The following CFAP95 variants were observed in gnomAD, a reference collection of about 807,000 sequenced individuals.
CFAP95 encodes the protein cilia- and flagella-associated protein 95.
chr9:69,848,316 A>G, the CFAP95 span, among the ~76,000 whole-genome samples: 1 of 152,162 alleles, frequency 6.6e-6, no homozygotes, highest in African/African-American at 2.4e-5. Flanking sequence ...ACAGCATCTC[A>G]TAGTAGGTGC....
At chr9:69,828,863 T>C in the CFAP95 span, among the ~76,000 whole-genome samples, 3 of 152,340 alleles carry the variant, frequency 2.0e-5, no homozygotes, top group Admixed American at 2.0e-4. Context: ...TGTATTTTCA[T>C]AATAAGAATA....
chr9:69,844,298 G>C, the CFAP95 span, among the ~76,000 whole-genome samples: 1 of 152,278 alleles, frequency 6.6e-6, no homozygotes, highest in South Asian at 2.1e-4. Flanking sequence ...TTGTTTGGGT[G>C]ATATTATTAG....
chr9:69,846,667 G>A, the CFAP95 span, among the ~76,000 whole-genome samples: 1 of 152,190 alleles, frequency 6.6e-6, no homozygotes, highest in East Asian at 1.9e-4. Context: ...AAGAAAAGGA[G>A]GGGATACTGG....
the CFAP95 span, among the ~76,000 whole-genome samples, chr9:69,897,537 A>G: frequency 1.3e-5 from 2 of 152,214 alleles, no homozygotes; most frequent in African/African-American, 4.8e-5. Flanking sequence ...TAAAACTATC[A>G]GAAATGAAAG....
At chr9:69,890,562 G>T in the CFAP95 span, among the ~76,000 whole-genome samples, 1 of 152,182 alleles carries the variant, frequency 6.6e-6, no homozygotes, top group Non-Finnish European at 1.5e-5. Flanking sequence ...ATGTTGTCGT[G>T]CACATAAACA....
At chr9:69,870,883 A>C in the CFAP95 span, among the ~76,000 whole-genome samples, 4 of 152,160 alleles carry the variant, frequency 2.6e-5, no homozygotes, top group Admixed American at 6.5e-5. Flanking sequence ...CCAGATCAAC[A>C]GGAGAGAAGG....
the CFAP95 span, among the ~76,000 whole-genome samples, chr9:69,829,037 T>C: frequency 0.8 from 121,221 of 152,108 alleles, 48,800 homozygotes; most frequent in Middle Eastern, 0.87. Context: ...TTTTTAATTG[T>C]TAGTTTATGT....
the CFAP95 span, among the ~76,000 whole-genome samples, chr9:69,824,848 T>A: frequency 6.6e-6 from 1 of 152,224 alleles, no homozygotes; most frequent in East Asian, 1.9e-4. Context: ...AACCTTGTAT[T>A]TCTGTATTTG....
chr9:69,837,819 T>C, the CFAP95 span, among the ~76,000 whole-genome samples: 5 of 152,346 alleles, frequency 3.3e-5, no homozygotes, highest in South Asian at 1.0e-3. Context: ...GCCTATGTCC[T>C]GAATGGTAAT....
chr9:69,858,081 T>C, the CFAP95 span: 1 of 1,022,810 alleles, frequency 9.8e-7, no homozygotes, highest in South Asian at 1.3e-5. Context: ...GTCAACAAAA[T>C]GCCCTTTACA....
chr9:69,905,857 C>A, the CFAP95 span: 1 of 916,204 alleles, frequency 1.1e-6, no homozygotes, highest in Non-Finnish European at 1.5e-6. Flanking sequence ...AATTAACCTT[C>A]AATCATAAGA....
chr9:69,889,483 C>T, the CFAP95 span, among the ~76,000 whole-genome samples: 983 of 152,340 alleles, frequency 6.5e-3, 11 homozygotes, highest in African/African-American at 0.022. Flanking sequence ...GAGATCCTCT[C>T]CTAGGAACTG....
chr9:69,837,817 C>T, the CFAP95 span, among the ~76,000 whole-genome samples: 3 of 152,132 alleles, frequency 2.0e-5, no homozygotes, highest in African/African-American at 7.2e-5. Context: ...ATGCCTATGT[C>T]CTGAATGGTA....
chr9:69,873,895 T>C, the CFAP95 span, among the ~76,000 whole-genome samples: 1 of 152,376 alleles, frequency 6.6e-6, no homozygotes, highest in East Asian at 1.9e-4. Flanking sequence ...AGGGCAGCTG[T>C]AGACGTTTTA....
At chr9:69,872,838 G>A in the CFAP95 span, among the ~76,000 whole-genome samples, 21 of 152,208 alleles carry the variant, frequency 1.4e-4, no homozygotes, top group African/African-American at 5.1e-4. Context: ...TATACAAAGC[G>A]ACCCCCCAAA....
chr9:69,865,513 G>T, the CFAP95 span, among the ~76,000 whole-genome samples: 321 of 152,130 alleles, frequency 2.1e-3, 2 homozygotes, highest in African/African-American at 7.2e-3. Flanking sequence ...ATTTGACTAG[G>T]CCATATTATG....
chr9:69,843,557 CCTTCTTCTTCTTCTTCTT>C, the CFAP95 span, among the ~76,000 whole-genome samples: 185 of 14,702 alleles, frequency 0.013, 4 homozygotes, highest in Admixed American at 0.018. Flanking sequence ...TCCTCCTCCT[CCTTCTTCTTCTTCTTCTT>C]CTTCTTCTTC....
chr9:69,863,182 C>T, the CFAP95 span, among the ~76,000 whole-genome samples: 1 of 152,112 alleles, frequency 6.6e-6, no homozygotes, highest in Non-Finnish European at 1.5e-5. Context: ...GAGTGAGTCT[C>T]CAAGGAATTG....
chr9:69,851,006 G>A, the CFAP95 span, among the ~76,000 whole-genome samples: 2 of 152,170 alleles, frequency 1.3e-5, no homozygotes, highest in African/African-American at 4.8e-5. Flanking sequence ...CGTTTGGGAT[G>A]GGAATGAAAG....
Sources: gnomAD v4.1 joint callset for allele counts (sites outside exome capture counted in the v4.1 genomes callset) on GRCh38, gnomAD v4.1.1 for gene constraint, MANE v1.5 for transcripts, NCBI Gene and HGNC (gene_info 2026-07-23, HGNC 2026-07-21) for gene names.